The following CPSF2 variants were observed in gnomAD, a reference collection of about 807,000 sequenced individuals.
CPSF2 encodes the protein cleavage and polyadenylation specificity factor subunit 2.
CPSF2 carries 51 observed loss-of-function variants against 84.2 expected under a neutral mutation model. That is an observed-to-expected ratio of 0.61 (90% CI 0.48 to 0.77). The LOEUF (loss-of-function observed/expected upper bound fraction) is 0.77, where lower values mean the gene tolerates loss of function less well. CPSF2 is among the 30% of genes least tolerant of loss of function. The pLI is 0.00. For missense variants in CPSF2, 641 were observed against 929.4 expected, an observed-to-expected ratio of 0.69 and a Z score of 4.03; for synonymous variants, 286 against 311.9, an observed-to-expected ratio of 0.92 and a Z score of 0.87.
chr14:92,132,059 C>G (rs943469247), intron 3 of CPSF2, among the ~76,000 whole-genome samples: 10 of 152,092 alleles, frequency 6.6e-5, no homozygotes, highest in African/African-American at 2.4e-4. Flanking sequence ...TGCGAAAAAG[C>G]TGGGACAAAA....
At position 92,169,096 on chromosome 14, in the gene CPSF2, C is replaced by G. The variant is rs2069486278; in HGVS notation, c.*7352C>G. ...TCTCTGACAATTGTTATGTTAAAAA[C>G]AAAAAGAAGCACATACTGTACAGTC... On this transcript the variant is annotated 3_prime_UTR_variant, in exon 16 of 16. Transcript: ENST00000298875. 6.9e-6 allele frequency: 1 copy of G among 145,288 alleles called. No individual in the cohort carries two copies. The highest frequency in any genetic ancestry group is 2.5e-5 in the African/African-American group (1 of 40,490). 9.0% of individuals were successfully genotyped at this position (145,288 alleles called of 1,614,324 possible).
intron 9 of CPSF2, among the ~76,000 whole-genome samples, chr14:92,149,937 G>A (rs1360632053): frequency 1.3e-5 from 2 of 152,162 alleles, no homozygotes; most frequent in Non-Finnish European, 2.9e-5. Context: ...TCACAGGCAT[G>A]AGTCACTGCG....
At position 92,168,938 on chromosome 14, in the gene CPSF2, A is replaced by G. The variant is rs1284386895; in HGVS notation, c.*7194A>G. 6.6e-6 allele frequency: 1 copy of G among 152,204 alleles called. No homozygotes were observed. The highest frequency in any genetic ancestry group is 6.5e-5 in the Admixed American group (1 of 15,274). The allele number at this position is 152,204 out of a possible 1,614,324, so 9.4% of individuals were successfully genotyped here. A position where few individuals can be genotyped will look rare whatever the true frequency, so the allele number is the denominator to read the frequency against. On this transcript the variant is annotated 3_prime_UTR_variant, in exon 16 of 16. Coordinates refer to ENST00000298875, the MANE Select transcript of CPSF2 (RefSeq NM_017437.3). ...TTTTTGTGAAATTGTTAAGGATTCC[A>G]TGATCCTACTAAAATTTTTGATAAT...
intron 1 of CPSF2, 148 bp downstream of exon 1, chr14:92,122,276 G>T (rs1457849411): frequency 8.3e-6 from 2 of 241,954 alleles, no homozygotes; most frequent in South Asian, 4.5e-5. Flanking sequence ...GGTCGTTCCC[G>T]GCAGAAGTGG....
intron 1 of CPSF2, among the ~76,000 whole-genome samples, chr14:92,122,870 A>G (rs61976564): frequency 1.4e-5 from 2 of 142,006 alleles, no homozygotes; most frequent in Non-Finnish European, 3.0e-5. Flanking sequence ...TTTTTTTTTA[A>G]TAAAGACGGG....
chr14:92,142,656 T>C (rs2069093016), intron 8 of CPSF2, among the ~76,000 whole-genome samples: 1 of 152,248 alleles, frequency 6.6e-6, no homozygotes, highest in African/African-American at 2.4e-5. Context: ...CCTCATAGCA[T>C]TGGCATGTTA....
intron 9 of CPSF2, 183 bp from the exon 10 acceptor site, chr14:92,154,175 T>C: frequency 8.6e-6 from 4 of 464,756 alleles, no homozygotes; most frequent in African/African-American, 2.0e-5. Context: ...GACAGCTCAA[T>C]TTTAATACTA....
rs2068773280 is a variant in CPSF2 at position 92,121,995 on chromosome 14, C to G, written c.-227C>G. 1.4e-6 allele frequency: 1 copy of G among 692,254 alleles called. No individual in the cohort carries two copies. The highest frequency in any genetic ancestry group is 1.8e-5 in the African/African-American group (1 of 55,760). The allele number at this position is 692,254 out of a possible 1,614,324, so 42.9% of individuals were successfully genotyped here. A position where few individuals can be genotyped will look rare whatever the true frequency, so the allele number is the denominator to read the frequency against. Reference sequence around the variant, plus strand: ...CTAGTCTCCAGCTCCAAAATGGCGGCTGCCACTGTGGGGCTTCTGCCGGCC... The same window carrying G: ...CTAGTCTCCAGCTCCAAAATGGCGGGTGCCACTGTGGGGCTTCTGCCGGCC... On this transcript the variant is annotated 5_prime_UTR_variant, in exon 1 of 16. Coordinates refer to ENST00000298875, the MANE Select transcript of CPSF2 (RefSeq NM_017437.3).
chr14:92,132,023 A>G (rs1410330532), intron 3 of CPSF2, among the ~76,000 whole-genome samples: 1 of 152,180 alleles, frequency 6.6e-6, no homozygotes, highest in Non-Finnish European at 1.5e-5. Context: ...TTACTATTCA[A>G]TTAGCAAAAC....
chr14:92,124,941 G>A (rs1484905125), intron 1 of CPSF2, among the ~76,000 whole-genome samples: 2 of 152,120 alleles, frequency 1.3e-5, no homozygotes, highest in African/African-American at 4.8e-5. Flanking sequence ...GTCTAGACTA[G>A]ATGTGGGAAT....
chr14:92,141,488 C>T lies in CPSF2; in HGVS notation c.662-676C>T, dbSNP rs556180256. On this transcript the variant is annotated intron_variant, in intron 7 of 15. Coordinates refer to ENST00000298875, the MANE Select transcript of CPSF2 (RefSeq NM_017437.3). ...AGACCACAGGCATGTGCCACCATGC[C>T]CGGCTAATTTGTTTATTTTTATAGA... Among the ~76,000 whole-genome samples the T allele has an allele frequency of 5.3e-5, 8 of 152,132 alleles. No homozygotes were observed. In the South Asian group the frequency reaches 1.7e-3, roughly 32 times the overall value.
intron 2 of CPSF2, among the ~76,000 whole-genome samples, chr14:92,129,384 A>C (rs906095320): frequency 6.6e-6 from 1 of 152,204 alleles, no homozygotes; most frequent in Non-Finnish European, 1.5e-5. Context: ...GATAATTGAT[A>C]ACCTAGCAGT....
rs1216989916 is a variant in CPSF2, at chr14:92,166,817, A to G, written c.*5073A>G. 1 of 151,994 alleles carries G rather than the reference A, an allele frequency of 6.6e-6. No homozygotes were observed. Among genetic ancestry groups the G allele is most frequent in the Non-Finnish European group, 1.5e-5 (1 of 68,000 alleles). 9.4% of individuals were successfully genotyped at this position (151,994 alleles called of 1,614,324 possible). ...CATGAGTGTATGGGTTTGTTCCTGG[A>G]CTTGAAATTATGTTTCATTGATCTA... On this transcript the variant is annotated 3_prime_UTR_variant, in exon 16 of 16. Coordinates refer to ENST00000298875, the MANE Select transcript of CPSF2 (RefSeq NM_017437.3).
At chr14:92,134,530 A>C (rs1294454158) in intron 5 of CPSF2, among the ~76,000 whole-genome samples, 175 bp downstream of exon 5, 1 of 152,246 alleles carries the variant, frequency 6.6e-6, no homozygotes, top group Non-Finnish European at 1.5e-5. Flanking sequence ...AAAATATTTC[A>C]GAAAAAATGC....
In CPSF2 at chr14:92,157,615, G is replaced by T; in HGVS notation, c.1596-44G>T. On this transcript the variant is annotated intron_variant, in intron 12 of 15. Transcript: ENST00000298875. This position sits in a 1 kb window ranked among gnomAD's most constrained non-coding sequence, Gnocchi z 4.0. ...ACATGATAAAAGCCATTTTTTTTTA[G>T]AATTATGAGAAAAGTAATCTTGAAT... 1 of 1,434,662 alleles carries T rather than the reference G, an allele frequency of 7.0e-7. No homozygotes were observed. The highest frequency in any genetic ancestry group is 2.0e-5 in the Admixed American group (1 of 49,058). The allele number at this position is 1,434,662 out of a possible 1,614,324, so 88.9% of individuals were successfully genotyped here.
chr14:92,138,454 G>C, intron 7 of CPSF2, 107 bp downstream of exon 7: 1 of 524,846 alleles, frequency 1.9e-6, no homozygotes, highest in East Asian at 3.6e-5. Flanking sequence ...TTTTGAGACG[G>C]ACTTTCGCTC....
chr14:92,156,284 C>T (rs1019426546), intron 11 of CPSF2, among the ~76,000 whole-genome samples, 195 bp from the exon 12 acceptor site: 7 of 151,946 alleles, frequency 4.6e-5, no homozygotes, highest in Non-Finnish European at 8.8e-5. Context: ...GGAGACTCTA[C>T]CTCAAAAAAA....
rs1192127036 is a variant in CPSF2 at position 92,168,054 on chromosome 14, C to G, written c.*6310C>G. 6.6e-6 allele frequency: 1 copy of G among 151,844 alleles called. No individual in the cohort carries two copies. The highest frequency in any genetic ancestry group is 1.9e-4 in the East Asian group (1 of 5,176). 9.4% of individuals were successfully genotyped at this position (151,844 alleles called of 1,614,324 possible). On this transcript the variant is annotated 3_prime_UTR_variant, in exon 16 of 16. Coordinates refer to ENST00000298875, the MANE Select transcript of CPSF2 (RefSeq NM_017437.3). The stretch of plus-strand genomic sequence containing the variant: ...CTGAGGTCAGGAGTTCCAGACCAGC[C>G]TGGCCAACATGGTGAAACCTCATCT...
Position 92,157,847 on chromosome 14 carries a change from A to T in CPSF2, c.1784A>T (p.Glu595Val). 6.2e-7 allele frequency: 1 copy of T among 1,614,172 alleles called. No homozygotes were observed. Among genetic ancestry groups the T allele is most frequent in the Non-Finnish European group, 8.5e-7 (1 of 1,179,990 alleles). Residue 595 changes from glutamate (E) to valine (V), a missense_variant, in exon 13 of 16, where the codon GAA becomes GTA. Glu to Val is a moderately radical substitution (Grantham distance 121). Transcript: ENST00000298875. This position sits in a 1 kb window ranked among gnomAD's most constrained non-coding sequence, Gnocchi z 4.0. ...DIKVYMPKLH[E>V]TVDATSETHI... ...AAAGTGTACATGCCAAAGCTACATG[A>T]AACAGTTGATGCCACTAGTGAAACT... is the stretch of plus-strand genomic sequence containing the variant.
Sources: allele counts gnomAD v4.1 joint callset (sites outside exome capture counted in the v4.1 genomes callset), GRCh38; gene constraint gnomAD v4.1.1; non-coding constraint Gnocchi (gnomAD v3.1); transcripts MANE v1.5; gene names NCBI Gene and HGNC (gene_info 2026-07-23, HGNC 2026-07-21).